Variants in IQCM observed in about 807,000 individuals in gnomAD.
The protein encoded by IQCM is IQ motif containing M.
In IQCM, 45 loss-of-function variants were observed where a neutral mutation model predicts 57.6. That is an observed-to-expected ratio of 0.78 (90% CI 0.62 to 1.00). The LOEUF (loss-of-function observed/expected upper bound fraction) is 1.00. Ranked by LOEUF, IQCM falls within the 50% of genes least tolerant of loss-of-function variation. The probability of loss-of-function intolerance (pLI) is 0.00; values close to 1 mark genes in which losing one functional copy is unlikely to be tolerated. For synonymous variants in IQCM, 148 were observed against 158.9 expected (o/e 0.93, Z 0.51); for missense variants, 468 against 511.6 (o/e 0.91, Z 0.82).
chr4:149,598,751 C>T (rs969013978), intron 8 of IQCM, among the ~76,000 whole-genome samples: 9 of 152,146 alleles, frequency 5.9e-5, no homozygotes, highest in African/African-American at 2.2e-4. Flanking sequence ...TTAATTGTTT[C>T]CAAGTATATG....
chr4:149,634,442 G>A (rs544666638), intron 7 of IQCM, among the ~76,000 whole-genome samples: 1 of 152,152 alleles, frequency 6.6e-6, no homozygotes, highest in African/African-American at 2.4e-5. Context: ...ATGTTTTCTT[G>A]TATTCTAACT....
intron 13 of IQCM, among the ~76,000 whole-genome samples, chr4:149,430,776 G>A (rs1025586298): frequency 1.3e-5 from 2 of 151,910 alleles, no homozygotes; most frequent in African/African-American, 4.8e-5. Flanking sequence ...GTTTCTATTA[G>A]TTTGAGTCTT....
intron 13 of IQCM, among the ~76,000 whole-genome samples, chr4:149,384,784 G>T (rs1252751829): frequency 2.0e-5 from 3 of 150,904 alleles, no homozygotes; most frequent in Non-Finnish European, 2.9e-5. Flanking sequence ...GCAAACCCCA[G>T]TTATAAACCT....
chr4:149,397,702 C>G (rs1482506863), intron 13 of IQCM, among the ~76,000 whole-genome samples: 1 of 151,832 alleles, frequency 6.6e-6, no homozygotes, highest in Non-Finnish European at 1.5e-5. Context: ...ATTTTTTAGT[C>G]TTTTTTGGAG....
chr4:149,361,862 C>T (rs1318670677), intron 13 of IQCM, among the ~76,000 whole-genome samples: 1 of 152,168 alleles, frequency 6.6e-6, no homozygotes. Flanking sequence ...TACTCCAAAT[C>T]CCAGAATGCT....
At chr4:149,754,622 GCT>G (rs1296310205) in intron 2 of IQCM, among the ~76,000 whole-genome samples, 9 of 152,136 alleles carry the variant, frequency 5.9e-5, no homozygotes, top group Non-Finnish European at 1.0e-4. Context: ...TCTTCATTTA[GCT>G]TCCAGGGATT....
chr4:149,637,179 GA>G (rs1456992100), intron 7 of IQCM, among the ~76,000 whole-genome samples: 5 of 142,282 alleles, frequency 3.5e-5, no homozygotes, highest in African/African-American at 1.3e-4. Context: ...AAAAAAAAAA[GA>G]AAGTGAATTT....
Position 149,763,079 on chromosome 4 carries a change from A to T in IQCM, c.-48-20340T>A, listed in dbSNP as rs1769692556. On this transcript the variant is annotated intron_variant, in intron 2 of 13. Transcript: ENST00000636793. ...ATTCAATTAGTCACATTAAAATCTA[A>T]TTAAATTTAATCTAATATTGGCCTT... Among the ~76,000 whole-genome samples the T allele has an allele frequency of 2.0e-5, 3 of 152,096 alleles. No homozygotes were observed. In the South Asian group the frequency reaches 6.2e-4, roughly 31 times the overall value.
chr4:149,670,176 T>G (rs751633230), intron 7 of IQCM, among the ~76,000 whole-genome samples: 1 of 152,182 alleles, frequency 6.6e-6, no homozygotes, highest in Non-Finnish European at 1.5e-5. Flanking sequence ...GTAGTTCTCC[T>G]TGAGGAGGTC....
chr4:149,621,637 A>G (rs1209940173), intron 7 of IQCM, among the ~76,000 whole-genome samples: 1 of 152,194 alleles, frequency 6.6e-6, no homozygotes, highest in Non-Finnish European at 1.5e-5. Flanking sequence ...TACATACTTT[A>G]AAAGAAAATT....
chr4:149,702,308 A>G (rs1017030635), intron 5 of IQCM, among the ~76,000 whole-genome samples: 54 of 151,176 alleles, frequency 3.6e-4, no homozygotes, highest in Admixed American at 1.2e-3. Context: ...CTTCACACAC[A>G]CACACACACA....
rs572818733 is a variant in IQCM at position 149,559,942 on chromosome 4, T to C, written c.948+3750A>G. On this transcript the variant is annotated intron_variant, in intron 10 of 13. Transcript: ENST00000636793. The stretch of plus-strand genomic sequence containing the variant: ...CTAGAACCCTATTGTGAACTGCACA[T>C]GCAGGGGATCCAGGTTGTGTGCTCT... 2.5e-4 allele frequency among the ~76,000 whole-genome samples: 38 copies of C among 152,304 alleles called. No individual in the cohort carries two copies. In the Middle Eastern group the frequency reaches 0.01, roughly 41 times the overall value.
At chr4:149,373,872 A>G (rs1730530738) in intron 13 of IQCM, among the ~76,000 whole-genome samples, 1 of 152,076 alleles carries the variant, frequency 6.6e-6, no homozygotes, top group Non-Finnish European at 1.5e-5. Flanking sequence ...TTTTCCACCA[A>G]TTAGCTACAC....
rs568550893 is a variant in IQCM at position 149,636,790 on chromosome 4, T to C, written c.566-15546A>G. Among the ~76,000 whole-genome samples, 78 of 152,318 alleles carry C rather than the reference T, an allele frequency of 5.1e-4. 1 individual carries two copies. In the South Asian group the frequency reaches 0.016, roughly 31 times the overall value. On this transcript the variant is annotated intron_variant, in intron 7 of 13. Transcript: ENST00000636793. ...GAGTAAAGCTGTTTTTATTAACAGA[T>C]GATATGACCAAGTATGTAGAAATCC...
chr4:149,460,905 C>T (rs552951606), intron 12 of IQCM, among the ~76,000 whole-genome samples: 22 of 152,094 alleles, frequency 1.4e-4, no homozygotes, highest in Non-Finnish European at 2.2e-4. Flanking sequence ...ACTAGTGTTA[C>T]ACACTAAAAT....
At chr4:149,665,312 G>A (rs1337335632) in intron 7 of IQCM, among the ~76,000 whole-genome samples, 3 of 152,136 alleles carry the variant, frequency 2.0e-5, no homozygotes, top group African/African-American at 4.8e-5. Flanking sequence ...GGACCCTCCT[G>A]TAGTAAACTA....
chr4:149,697,724 T>C lies in IQCM; in HGVS notation c.386-11256A>G, dbSNP rs867956321. Among the ~76,000 whole-genome samples, 25 of 152,300 alleles carry C rather than the reference T, an allele frequency of 1.6e-4. No homozygotes were observed. In the South Asian group the frequency reaches 5.2e-3, roughly 32 times the overall value. Reference sequence around the variant, plus strand: ...TGCCTTCATTGTGATTATCACTTTTTGTCATTATCTTATTTGTTTGCTCCT... The same window carrying C: ...TGCCTTCATTGTGATTATCACTTTTCGTCATTATCTTATTTGTTTGCTCCT... On this transcript the variant is annotated intron_variant, in intron 5 of 13. Coordinates refer to ENST00000636793, the MANE Select transcript of IQCM (RefSeq NM_001363507.2).
intron 13 of IQCM, among the ~76,000 whole-genome samples, chr4:149,377,566 CTT>C (rs2111013951): frequency 6.6e-6 from 1 of 152,202 alleles, no homozygotes; most frequent in Admixed American, 6.5e-5. Flanking sequence ...AGTACTGTGT[CTT>C]TAAATATCAT....
At chr4:149,760,963 GC>G (rs1769447454) in intron 2 of IQCM, among the ~76,000 whole-genome samples, 1 of 152,020 alleles carries the variant, frequency 6.6e-6, no homozygotes, top group Admixed American at 6.6e-5. Flanking sequence ...TTGATCACTT[GC>G]TTTTAGAGAA....
Sources: gnomAD v4.1 joint callset for allele counts (sites outside exome capture counted in the v4.1 genomes callset) on GRCh38, gnomAD v4.1.1 for gene constraint, MANE v1.5 for transcripts, NCBI Gene and HGNC (gene_info 2026-07-23, HGNC 2026-07-21) for gene names.